The following CCNY variants were observed in gnomAD, a reference collection of about 807,000 sequenced individuals.
CCNY encodes the protein cyclin Y.
CCNY carries 19 observed loss-of-function variants against 42.8 expected under a neutral mutation model. The ratio of observed to expected loss-of-function variants is 0.44; its 90% CI spans 0.31 to 0.65. The LOEUF (loss-of-function observed/expected upper bound fraction) is 0.65, where lower values mean the gene tolerates loss of function less well. CCNY is among the 30% of genes least tolerant of loss of function. CCNY has a pLI of 0.07. For missense variants in CCNY, 370 were observed against 437.3 expected (o/e 0.85, Z 1.37); for synonymous variants, 165 against 162.7 (o/e 1.01, Z -0.11).
At chr10:35,542,449 C>G (rs981958447) in intron 7 of CCNY, among the ~76,000 whole-genome samples, 13 of 152,072 alleles carry the variant, frequency 8.5e-5, no homozygotes, top group Non-Finnish European at 1.5e-5. Flanking sequence ...CTCTTTTTCT[C>G]CACTTTCTGT....
intron 1 of CCNY, among the ~76,000 whole-genome samples, chr10:35,438,510 A>G (rs1354516925): frequency 6.6e-6 from 1 of 152,044 alleles, no homozygotes; most frequent in East Asian, 1.9e-4. Flanking sequence ...TATCATTGTT[A>G]AGTTAACCAG....
In CCNY at chr10:35,364,028, A is replaced by G. The variant is rs369657634; in HGVS notation, c.154+26821A>G. Among the ~76,000 whole-genome samples, 44 of 152,346 alleles carry G rather than the reference A, an allele frequency of 2.9e-4. No homozygotes were observed. In the East Asian group the frequency reaches 6.2e-3, roughly 21 times the overall value. On this transcript the variant is annotated intron_variant, in intron 1 of 9. Transcript: ENST00000374704. The stretch of plus-strand genomic sequence containing the variant: ...TTGTGTTTACAAACTTTATTTTAAT[A>G]TGTTACTGTTGAGAATATAATTTTC...
At chr10:35,331,383 G>C (rs954663079) in intron 3 of CCNY, among the ~76,000 whole-genome samples, 4 of 152,230 alleles carry the variant, frequency 2.6e-5, no homozygotes, top group Non-Finnish European at 5.9e-5. Context: ...CGACAAGACA[G>C]AGCCTGGGCT....
At chr10:35,496,104 A>C (rs762342333) in intron 2 of CCNY, among the ~76,000 whole-genome samples, 2 of 152,270 alleles carry the variant, frequency 1.3e-5, no homozygotes, top group Middle Eastern at 3.2e-3. Flanking sequence ...CTATCTCAGC[A>C]ATCAGCTTCG....
At chr10:35,265,143 T>C (rs925683844) in intron 3 of CCNY, among the ~76,000 whole-genome samples, 1 of 152,208 alleles carries the variant, frequency 6.6e-6, no homozygotes, top group Non-Finnish European at 1.5e-5. Context: ...AGAATCCTTG[T>C]GTCTCTACTT....
In CCNY at chr10:35,530,280, C is replaced by T. The variant is rs1196692399; in HGVS notation, c.579+37C>T. 9.9e-6 allele frequency: 16 copies of T among 1,613,046 alleles called. No homozygotes were observed. Among genetic ancestry groups the T allele is most frequent in the South Asian group, 5.5e-5 (5 of 91,012 alleles). ...CAGGATGGCCACACCCATCCCCAGC[C>T]GAGGTGGTCCAGGGCCCGTTCCTGT... is the stretch of plus-strand genomic sequence containing the variant. On this transcript the variant is annotated intron_variant, in intron 7 of 9. Transcript: ENST00000374704. The surrounding 1 kb of genome is among the most constrained non-coding windows in gnomAD (Gnocchi z 4.3).
chr10:35,510,031 T>C (rs1840293431), intron 3 of CCNY, among the ~76,000 whole-genome samples: 1 of 152,172 alleles, frequency 6.6e-6, no homozygotes, highest in Admixed American at 6.5e-5. Flanking sequence ...CCAGTGCAAG[T>C]GGCCAGTTCT....
intron 1 of CCNY, among the ~76,000 whole-genome samples, chr10:35,403,843 G>T (rs1263359642): frequency 6.6e-6 from 1 of 152,274 alleles, no homozygotes; most frequent in Non-Finnish European, 1.5e-5. Context: ...GCCTGCCTTT[G>T]CTGGTGAGTG....
chr10:35,378,670 A>G (rs1837109063), intron 1 of CCNY, among the ~76,000 whole-genome samples: 1 of 152,024 alleles, frequency 6.6e-6, no homozygotes, highest in Non-Finnish European at 1.5e-5. Flanking sequence ...GGGAGTTAGA[A>G]TATGTGTGAG....
chr10:35,451,091 G>A (rs1838905724), intron 1 of CCNY, among the ~76,000 whole-genome samples: 2 of 152,154 alleles, frequency 1.3e-5, no homozygotes. Context: ...ATGCAAATTA[G>A]TATTTTTTGA....
At chr10:35,495,189 A>G (rs1011436869) in intron 2 of CCNY, among the ~76,000 whole-genome samples, 3 of 152,246 alleles carry the variant, frequency 2.0e-5, no homozygotes, top group African/African-American at 7.2e-5. Flanking sequence ...GTGTTTTCCA[A>G]GCAAGCTTTT....
chr10:35,323,517 G>T (rs1835845227), intron 3 of CCNY, among the ~76,000 whole-genome samples: 1 of 137,904 alleles, frequency 7.3e-6, no homozygotes, highest in South Asian at 2.4e-4. Flanking sequence ...CTGAGGAAAA[G>T]AAACCTTACA....
intron 8 of CCNY, among the ~76,000 whole-genome samples, chr10:35,563,950 C>T (rs1414576363): frequency 6.6e-6 from 1 of 151,160 alleles, no homozygotes; most frequent in African/African-American, 2.4e-5. Context: ...AATCTTGGCT[C>T]GCTTCAACCT....
intron 1 of CCNY, among the ~76,000 whole-genome samples, chr10:35,378,611 G>A (rs1837106603): frequency 6.6e-6 from 1 of 152,098 alleles, no homozygotes; most frequent in African/African-American, 2.4e-5. Context: ...GACAGTAGAA[G>A]AGCAGAGCTG....
At chr10:35,493,693 A>G (rs986264341) in intron 2 of CCNY, among the ~76,000 whole-genome samples, 2 of 152,206 alleles carry the variant, frequency 1.3e-5, no homozygotes, top group African/African-American at 2.4e-5. Flanking sequence ...CTTGGTGCAT[A>G]TGATCCATTT....
Position 35,434,409 on chromosome 10 carries a change from AGAGCCTGGCTATGGACAGGAGAGTTTT to A in CCNY, c.155-48993_155-48967del, listed in dbSNP as rs1838481137. 5.9e-5 allele frequency among the ~76,000 whole-genome samples: 9 copies of A among 152,382 alleles called. No individual in the cohort carries two copies. In the South Asian group the frequency reaches 1.9e-3, roughly 32 times the overall value. ...TGTGGAGTGGCGCATCCTCAGGGAC[AGAGCCTGGCTATGGACAGGAGAGTTTT>A]GTCCTGCTCTTACTTTTGGGACTAA... On this transcript the variant is annotated intron_variant, in intron 1 of 9. Coordinates refer to ENST00000374704, the MANE Select transcript of CCNY (RefSeq NM_145012.6).
At chr10:35,477,897 T>C (rs1839554688) in intron 1 of CCNY, among the ~76,000 whole-genome samples, 2 of 148,412 alleles carry the variant, frequency 1.3e-5, no homozygotes, top group Non-Finnish European at 3.0e-5. Flanking sequence ...CCCCATTGTC[T>C]CAGCCCAAAA....
intron 1 of CCNY, chr10:35,449,960 C>T (rs1241106076): frequency 5.1e-6 from 1 of 195,628 alleles, no homozygotes; most frequent in Non-Finnish European, 9.3e-6. Context: ...TGCATCTCCT[C>T]CAGCTGTGTA....
chr10:35,391,881 T>C (rs907279887), intron 1 of CCNY, among the ~76,000 whole-genome samples: 3 of 152,216 alleles, frequency 2.0e-5, no homozygotes, highest in African/African-American at 7.2e-5. Flanking sequence ...CCTTTTGTTT[T>C]TATCTACCAC....
Sources: gnomAD v4.1 joint callset for allele counts (sites outside exome capture counted in the v4.1 genomes callset) on GRCh38, gnomAD v4.1.1 for gene constraint, Gnocchi (gnomAD v3.1) non-coding constraint, MANE v1.5 for transcripts, NCBI Gene and HGNC (gene_info 2026-07-23, HGNC 2026-07-21) for gene names.